FOSL1: variants seen among roughly 807,000 people sequenced by gnomAD.
FOSL1 encodes the protein fos-related antigen 1.
Under a neutral mutation model 24.9 loss-of-function variants are expected in FOSL1, and 14 were observed. The ratio of observed to expected loss-of-function variants is 0.56; its 90% CI spans 0.37 to 0.88. The LOEUF (loss-of-function observed/expected upper bound fraction) is 0.88, where lower values mean the gene tolerates loss of function less well. FOSL1 is among the 40% of genes least tolerant of loss of function. The pLI, the probability that FOSL1 is intolerant of heterozygous loss-of-function variation, is 0.00. For synonymous variants in FOSL1, 133 were observed against 145.1 expected (o/e 0.92, Z 0.60); for missense variants, 318 against 359.8 (o/e 0.88, Z 0.94).
intron 3 of FOSL1, 103 bp from the exon 4 acceptor site, chr11:65,893,399 A>T (rs1860443897): frequency 5.9e-5 from 33 of 554,732 alleles, no homozygotes; most frequent in East Asian, 1.5e-4. Context: ...GGGCGGGGGG[A>T]GAGGGGGGGC....
At chr11:65,899,286 C>G (rs1383983114) in intron 1 of FOSL1, among the ~76,000 whole-genome samples, 1 of 152,186 alleles carries the variant, frequency 6.6e-6, no homozygotes, top group East Asian at 1.9e-4. Flanking sequence ...GCGGGCCCGG[C>G]GTCCCAGTGA....
At position 65,896,899 on chromosome 11, in the gene FOSL1, G is replaced by A; in HGVS notation, c.207C>T (p.Thr69=). 6.2e-7 allele frequency: 1 copy of A among 1,613,958 alleles called. No homozygotes were observed. Among genetic ancestry groups the A allele is most frequent in the Non-Finnish European group, 8.5e-7 (1 of 1,179,828 alleles). Residue 69 remains threonine, a synonymous_variant, in exon 2 of 4, where the codon ACC becomes ACT. Transcript: ENST00000312562. ...GTTGTGGGGGGCTGTACTGAGGGTA[G>A]GTCAGAGGCCTGGGGTAACTGCTGG... ...LGPSSYPRPL[T]YPQYSPPQPR...
chr11:65,893,074 G>A lies in FOSL1; in HGVS notation c.628C>T (p.Leu210Phe), dbSNP rs1237795763. ...GGGGTGTGCAGTGCCTCAGGTTCAAGCACAGGCCCTGGGGAAAGGGAGATA... is the reference window on the plus strand; with the variant it reads ...GGGGTGTGCAGTGCCTCAGGTTCAAACACAGGCCCTGGGGAAAGGGAGATA... ...PCISLSPGPVLEPEALHTPTL... is the reference protein window; with the variant it reads ...PCISLSPGPVFEPEALHTPTL... Residue 210 changes from leucine (L) to phenylalanine (F), a missense_variant, in exon 4 of 4, where the codon CTT becomes TTT. By Grantham distance (22) the Leu-to-Phe change is conservative. Transcript: ENST00000312562. 2.5e-6 allele frequency: 4 copies of A among 1,611,690 alleles called. No homozygotes were observed. The highest frequency in any genetic ancestry group is 3.4e-6 in the Non-Finnish European group (4 of 1,179,012).
intron 2 of FOSL1, among the ~76,000 whole-genome samples, chr11:65,895,491 T>C (rs927106362): frequency 2.0e-5 from 3 of 152,090 alleles, no homozygotes; most frequent in African/African-American, 7.2e-5. Context: ...TTACTTATGG[T>C]TCCAGAGCAG....
At chr11:65,897,068 G>A in intron 1 of FOSL1, 62 bp from the exon 2 acceptor site, 2 of 1,245,870 alleles carry the variant, frequency 1.6e-6, no homozygotes, top group Admixed American at 1.7e-5. Context: ...GCTTCCACTG[G>A]GCAGAGGCTA....
intron 2 of FOSL1, among the ~76,000 whole-genome samples, chr11:65,894,907 T>C (rs1450406562): frequency 6.6e-6 from 1 of 151,904 alleles, no homozygotes; most frequent in Non-Finnish European, 1.5e-5. Context: ...TCCACCCTCC[T>C]CAGCCTCCCA....
At chr11:65,895,812 C>T (rs1362071874) in intron 2 of FOSL1, among the ~76,000 whole-genome samples, 1 of 152,166 alleles carries the variant, frequency 6.6e-6, no homozygotes, top group Non-Finnish European at 1.5e-5. Flanking sequence ...CCTCTACCTG[C>T]CGACCAAGCT....
At chr11:65,899,524 G>A (rs1343352315) in intron 1 of FOSL1, among the ~76,000 whole-genome samples, 1 of 152,228 alleles carries the variant, frequency 6.6e-6, no homozygotes, top group African/African-American at 2.4e-5. Context: ...GGCGGGCAGC[G>A]GGCGCCGTTA....
chr11:65,897,802 C>T (rs998992113), intron 1 of FOSL1, among the ~76,000 whole-genome samples: 8 of 151,730 alleles, frequency 5.3e-5, no homozygotes, highest in Non-Finnish European at 7.4e-5. Context: ...AGAATGTGTG[C>T]GACAGTCTGG....
In FOSL1 at chr11:65,892,858, C is replaced by T. The variant is rs1313112755; in HGVS notation, c.*28G>A. 1.9e-6 allele frequency: 3 copies of T among 1,602,900 alleles called. No homozygotes were observed. The highest frequency in any genetic ancestry group is 1.7e-5 in the Admixed American group (1 of 59,396). ...GGGGAGGAGACATTGGCTAGGGTGGCATCTGCAGGGAGTAGGGCTCAGGCG... is the reference window on the plus strand; with the variant it reads ...GGGGAGGAGACATTGGCTAGGGTGGTATCTGCAGGGAGTAGGGCTCAGGCG... On this transcript the variant is annotated 3_prime_UTR_variant, in exon 4 of 4. Transcript: ENST00000312562.
intron 1 of FOSL1, 40 bp from the exon 2 acceptor site, chr11:65,897,046 G>T: frequency 6.7e-7 from 1 of 1,490,876 alleles, no homozygotes; most frequent in Non-Finnish European, 9.4e-7. Flanking sequence ...TGAGGTCCGT[G>T]TGGATTGAGG....
chr11:65,896,024 T>G (rs1591087703), intron 2 of FOSL1, among the ~76,000 whole-genome samples: 1 of 151,878 alleles, frequency 6.6e-6, no homozygotes, highest in Non-Finnish European at 1.5e-5. Flanking sequence ...GTTTTGGGGG[T>G]TTTATTTTAT....
chr11:65,900,308 C>T lies in FOSL1; in HGVS notation c.32G>A (p.Ser11Asn). The T allele has an allele frequency of 8.0e-7, 1 of 1,244,376 alleles. No individual in the cohort carries two copies. The highest frequency in any genetic ancestry group is 1.0e-6 in the Non-Finnish European group (1 of 994,334). The allele number at this position is 1,244,376 out of a possible 1,614,324, so 77.1% of individuals were successfully genotyped here. Reference protein sequence around the residue: MFRDFGEPGPSSGNGGGYGGP... With the variant: MFRDFGEPGPNSGNGGGYGGP... ...GCCGTACCCGCCGCCGTTCCCGGAG[C>T]TCGGGCCGGGTTCCCCGAAGTCTCG... The change falls in exon 1 of 4, where the codon AGC becomes AAC. Residue 11 changes from serine (S) to asparagine (N), a missense_variant. Ser to Asn is a conservative substitution (Grantham distance 46, BLOSUM62 1). Transcript: ENST00000312562.
At chr11:65,898,203 G>A (rs1385470534) in intron 1 of FOSL1, among the ~76,000 whole-genome samples, 6 of 152,008 alleles carry the variant, frequency 3.9e-5, no homozygotes, top group African/African-American at 1.5e-4. Context: ...ACTGTGCCCG[G>A]CTAATTTTTG....
At position 65,896,798 on chromosome 11, in the gene FOSL1, C is replaced by T. The variant is rs570102574; in HGVS notation, c.297+11G>A. Reference sequence around the variant, plus strand: ...CGGGGTCGGAACCACTGCAATGCCTCTGTGCCTTACCTGTTCACAAGGCCT... The same window carrying T: ...CGGGGTCGGAACCACTGCAATGCCTTTGTGCCTTACCTGTTCACAAGGCCT... On this transcript the variant is annotated intron_variant, in intron 2 of 3. Coordinates refer to ENST00000312562, the MANE Select transcript of FOSL1 (RefSeq NM_005438.5). 12 of 1,585,596 alleles carry T rather than the reference C, an allele frequency of 7.6e-6. No individual in the cohort carries two copies. Among genetic ancestry groups the T allele is most frequent in the Non-Finnish European group, 1.0e-5 (12 of 1,163,666 alleles).
Position 65,895,488 on chromosome 11 carries a change from T to G in FOSL1, c.297+1321A>C, listed in dbSNP as rs181614817. Among the ~76,000 whole-genome samples, 770 of 152,286 alleles carry G rather than the reference T, an allele frequency of 5.1e-3. 4 individuals carry two copies. Among genetic ancestry groups the G allele is most frequent in the Non-Finnish European group, 7.8e-3 (528 of 68,030 alleles). On this transcript the variant is annotated intron_variant, in intron 2 of 3. Coordinates refer to ENST00000312562, the MANE Select transcript of FOSL1 (RefSeq NM_005438.5). Reference sequence around the variant, plus strand: ...AAGCCCAGAGAGGATAACTTACTTATGGTTCCAGAGCAGGACTTAGAACCC... The same window carrying G: ...AAGCCCAGAGAGGATAACTTACTTAGGGTTCCAGAGCAGGACTTAGAACCC...
chr11:65,898,687 C>T (rs1329741044), intron 1 of FOSL1, among the ~76,000 whole-genome samples: 1 of 152,114 alleles, frequency 6.6e-6, no homozygotes, highest in Non-Finnish European at 1.5e-5. Context: ...TTTTAGTGGA[C>T]TAGGCATGGT....
At chr11:65,898,782 G>A (rs1424204823) in intron 1 of FOSL1, among the ~76,000 whole-genome samples, 1 of 152,088 alleles carries the variant, frequency 6.6e-6, no homozygotes, top group Non-Finnish European at 1.5e-5. Context: ...AACACAGTGA[G>A]ACTTCATTTC....
chr11:65,894,496 A>C (rs757350956), intron 2 of FOSL1, among the ~76,000 whole-genome samples: 3 of 152,058 alleles, frequency 2.0e-5, no homozygotes, highest in Non-Finnish European at 2.9e-5. Context: ...ATCCTTCTGG[A>C]TCTGTGGACA....
Sources: gnomAD v4.1 joint callset for allele counts (sites outside exome capture counted in the v4.1 genomes callset) on GRCh38, gnomAD v4.1.1 for gene constraint, MANE v1.5 for transcripts, NCBI Gene and HGNC (gene_info 2026-07-23, HGNC 2026-07-21) for gene names.